The following CENPF variants were observed in gnomAD, a reference collection of about 807,000 sequenced individuals.
The protein encoded by CENPF is centromere protein F.
A neutral mutation model predicts 307.3 loss-of-function variants in CENPF; 214 were observed. The ratio of observed to expected loss-of-function variants is 0.70; its 90% confidence interval spans 0.62 to 0.78. CENPF has a LOEUF of 0.78. CENPF is among the 30% of genes least tolerant of loss of function. The pLI, the probability that CENPF is intolerant of heterozygous loss-of-function variation, is 0.00. For synonymous variants in CENPF, 1,259 were observed against 1,270.6 expected (o/e 0.99, Z 0.19); for missense variants, 3,401 against 3,483.9 (o/e 0.98, Z 0.60).
At chr1:214,613,077 C>A in intron 1 of CENPF, 1 of 331,804 alleles carries the variant, frequency 3.0e-6, no homozygotes, top group East Asian at 7.7e-5. Context: ...TGCCATTTTG[C>A]TAGCACTGAT....
chr1:214,648,452 C>T (rs1658370109), intron 13 of CENPF: 1 of 705,486 alleles, frequency 1.4e-6, no homozygotes, highest in Non-Finnish European at 2.6e-6. Flanking sequence ...CATTCCTTCC[C>T]TTATTACTAT....
chr1:214,652,129 AGGT>A (rs915343725), intron 15 of CENPF, among the ~76,000 whole-genome samples: 1 of 137,684 alleles, frequency 7.3e-6, no homozygotes, highest in African/African-American at 2.8e-5. Flanking sequence ...TCCGTCTCCC[AGGT>A]TTGCACCATT....
chr1:214,621,774 G>A (rs963390317), intron 6 of CENPF, among the ~76,000 whole-genome samples: 2 of 152,180 alleles, frequency 1.3e-5, no homozygotes, highest in African/African-American at 4.8e-5. Context: ...GGTGTCATAT[G>A]TGATGTACTT....
In CENPF at chr1:214,642,606, AT is replaced by A; in HGVS notation, c.4269del (p.Gln1424SerfsTer5). 2 of 1,612,478 alleles carry A rather than the reference AT, an allele frequency of 1.2e-6. No individual in the cohort carries two copies. The highest frequency in any genetic ancestry group is 1.7e-6 in the Non-Finnish European group (2 of 1,179,096). ...SLQSEHKILH[D>X]QHCQMSSKMS... ...CAAAGTGAACACAAAATTTTACATG[AT>A]CAGCACTGTCAGATGAGCTCTAAAA... On this transcript the variant is annotated frameshift_variant, in exon 12 of 20. Coordinates refer to ENST00000366955, the MANE Select transcript of CENPF (RefSeq NM_016343.4). LOFTEE classifies it high-confidence loss of function.
rs978111208 is a variant in CENPF, at chr1:214,647,480, G to A, written c.7830+80G>A. ...TATTTTCTTCTAGACACTGTGAATT[G>A]TATTTACTTCTAGACCGTGTCTGCT... On this transcript the variant is annotated intron_variant, in intron 13 of 19. Transcript: ENST00000366955. 1.6e-5 allele frequency: 23 copies of A among 1,434,354 alleles called. No individual in the cohort carries two copies. In the African/African-American group the frequency reaches 2.9e-4, roughly 18 times the overall value. 88.9% of individuals were successfully genotyped at this position (1,434,354 alleles called of 1,614,324 possible).
intron 1 of CENPF, among the ~76,000 whole-genome samples, chr1:214,609,212 C>T (rs954516858): frequency 1.3e-5 from 2 of 152,314 alleles, no homozygotes; most frequent in East Asian, 3.9e-4. Context: ...CCGAAGAATC[C>T]GCTTTGAATC....
At chr1:214,613,037 TG>T in intron 1 of CENPF, 1 of 338,020 alleles carries the variant, frequency 3.0e-6, no homozygotes, top group Non-Finnish European at 5.6e-6. Flanking sequence ...CCAAAGCTCT[TG>T]TAGGACAACT....
At position 214,648,816 on chromosome 1, in the gene CENPF, A is replaced by C. The variant is rs766242394; in HGVS notation, c.7972A>C (p.Lys2658Gln). 6.2e-7 allele frequency: 1 copy of C among 1,613,260 alleles called. No individual in the cohort carries two copies. The highest frequency in any genetic ancestry group is 1.3e-5 in the African/African-American group (1 of 74,884). ...GELQLLLEEI[K>Q]SSKDQLKELT... ...GTTGCAGTTACTGTTGGAAGAAATA[A>C]AGAGCAGCAAAGTAAGTTTCTTTGT... Residue 2658 changes from lysine to glutamine, a missense_variant, in exon 14 of 20, where the codon AAG becomes CAG. Physicochemically the swap from Lys to Gln is moderately conservative, Grantham distance 53. Coordinates refer to ENST00000366955, the MANE Select transcript of CENPF (RefSeq NM_016343.4).
At position 214,663,574 on chromosome 1, in the gene CENPF, A is replaced by G; in HGVS notation, c.9142-17A>G. 1.2e-6 allele frequency: 2 copies of G among 1,612,998 alleles called. No homozygotes were observed. The highest frequency in any genetic ancestry group is 1.7e-6 in the Non-Finnish European group (2 of 1,179,208). ...GTGAATGTGATTGAACCTCTAACAGAGATGTTTGTGTTGCAGGTCAAAGTT... is the reference window on the plus strand; with the variant it reads ...GTGAATGTGATTGAACCTCTAACAGGGATGTTTGTGTTGCAGGTCAAAGTT... On this transcript the variant is annotated splice_polypyrimidine_tract_variant and intron_variant, in intron 19 of 19. Transcript: ENST00000366955.
intron 17 of CENPF, 84 bp from the exon 18 acceptor site, chr1:214,656,849 G>A (rs1558192169): frequency 7.7e-6 from 7 of 912,982 alleles, no homozygotes; most frequent in South Asian, 3.3e-5. Flanking sequence ...GAAAGAACAC[G>A]TCTAAGATTA....
At position 214,660,365 on chromosome 1, in the gene CENPF, C is replaced by T. The variant is rs12408412; in HGVS notation, c.9141+1337C>T. Among the ~76,000 whole-genome samples, 626 of 152,330 alleles carry T rather than the reference C, an allele frequency of 4.1e-3. 9 individuals carry two copies. The highest frequency in any genetic ancestry group is 0.023 in the Admixed American group (347 of 15,302). ...TCTCCCCTCCCCTACCAAATTCTCT[C>T]TGTTACTCACATTCGGATTTAACTT... On this transcript the variant is annotated intron_variant, in intron 19 of 19. Transcript: ENST00000366955.
At chr1:214,650,186 C>T in intron 14 of CENPF, among the ~76,000 whole-genome samples, 1 of 152,124 alleles carries the variant, frequency 6.6e-6, no homozygotes. Flanking sequence ...GTCAGCTATG[C>T]AACGACCAGG....
Position 214,613,791 on chromosome 1 carries a change from C to T in CENPF, c.37C>T (p.Pro13Ser), listed in dbSNP as rs564086731. 5.6e-6 allele frequency: 9 copies of T among 1,611,694 alleles called. No homozygotes were observed. The Admixed American group carries it at 1.2e-4, about 21-fold the overall frequency. Residue 13 changes from proline to serine, a missense_variant, in exon 2 of 20, where the codon CCT becomes TCT. Transcript: ENST00000366955. Reference sequence around the variant, plus strand: ...TTTGGAAGAATGGAAAGAAGGGCTGCCTACAAGAGCTCTTCAGAAAATTCA... The same window carrying T: ...TTTGGAAGAATGGAAAGAAGGGCTGTCTACAAGAGCTCTTCAGAAAATTCA... ...WALEEWKEGLPTRALQKIQEL... is the reference protein window; with the variant it reads ...WALEEWKEGLSTRALQKIQEL...
intron 5 of CENPF, among the ~76,000 whole-genome samples, chr1:214,619,876 T>C (rs1054562004): frequency 6.6e-6 from 1 of 152,230 alleles, no homozygotes; most frequent in African/African-American, 2.4e-5. Context: ...GCATTGCTTA[T>C]CAAGATGAAT....
chr1:214,661,013 G>C (rs1448684784), intron 19 of CENPF, among the ~76,000 whole-genome samples: 10 of 152,066 alleles, frequency 6.6e-5, no homozygotes, highest in Admixed American at 3.9e-4. Context: ...TTTTTTTTCT[G>C]TTGCGAAGAA....
rs1271779489 is a variant in CENPF, at chr1:214,645,368, T to C, written c.5798T>C (p.Leu1933Pro). 1.2e-6 allele frequency: 2 copies of C among 1,614,062 alleles called. No individual in the cohort carries two copies. Among genetic ancestry groups the C allele is most frequent in the South Asian group, 1.1e-5 (1 of 91,070 alleles). ...ADLEVVQTEK[L>P]CLEKDNENKQ... ...TTAGAGGTAGTTCAAACAGAGAAGC[T>C]ATGTTTAGAAAAAGACAATGAAAAT... Residue 1933 changes from leucine (L) to proline (P), a missense_variant, in exon 13 of 20, where the codon CTA (leucine) becomes CCA (proline). Leu to Pro is a moderately conservative substitution (Grantham distance 98). Coordinates refer to ENST00000366955, the MANE Select transcript of CENPF (RefSeq NM_016343.4).
At chr1:214,653,174 C>T (rs1658537058) in intron 16 of CENPF, 185 bp downstream of exon 16, 7 of 610,682 alleles carry the variant, frequency 1.1e-5, no homozygotes, top group South Asian at 1.1e-4. Context: ...TCTACAGTCT[C>T]ATAGCTTGAA....
chr1:214,637,771 C>A, intron 10 of CENPF, 95 bp from the exon 11 acceptor site: 1 of 1,249,736 alleles, frequency 8.0e-7, no homozygotes, highest in Non-Finnish European at 1.1e-6. Context: ...TAGTGAGATA[C>A]ACAAACAGTT....
chr1:214,647,495 C>G lies in CENPF; in HGVS notation c.7830+95C>G, dbSNP rs111397276. On this transcript the variant is annotated intron_variant, in intron 13 of 19. Transcript: ENST00000366955. ...ACTGTGAATTGTATTTACTTCTAGA[C>G]CGTGTCTGCTATATTGGACCAAACT... 1.8e-4 allele frequency: 242 copies of G among 1,375,882 alleles called. 1 individual carries two copies. The African/African-American group carries it at 3.3e-3, about 19-fold the overall frequency. 85.2% of individuals were successfully genotyped at this position (1,375,882 alleles called of 1,614,324 possible).
Sources: gnomAD v4.1 joint callset for allele counts (sites outside exome capture counted in the v4.1 genomes callset) on GRCh38, gnomAD v4.1.1 for gene constraint, MANE v1.5 for transcripts, NCBI Gene and HGNC (gene_info 2026-07-23, HGNC 2026-07-21) for gene names.